KANK1: variants seen among roughly 807,000 people sequenced by gnomAD.
KANK1 encodes KN motif and ankyrin repeat domains 1, also known as KN motif and ankyrin repeat domain-containing protein 1.
Under a neutral mutation model 106.2 loss-of-function variants are expected in KANK1, and 109 were observed. That is an observed-to-expected ratio of 1.03 (90% CI 0.88 to 1.20). The LOEUF is 1.20. Among genes scored for constraint, KANK1 ranks in the 50% most tolerant of loss-of-function variants. KANK1 has a pLI of 0.00. For missense variants in KANK1, 2,399 were observed against 1,710.7 expected, an observed-to-expected ratio of 1.40 and a Z score of -7.10; for synonymous variants, 873 against 652.2, an observed-to-expected ratio of 1.34 and a Z score of -5.16.
intron 1 of KANK1, among the ~76,000 whole-genome samples, chr9:522,965 A>G (rs1360128961): frequency 6.6e-6 from 1 of 151,736 alleles, no homozygotes; most frequent in Admixed American, 6.6e-5. Flanking sequence ...TTTTGCTTGT[A>G]TTGATGGATA....
chr9:735,888 G>A (rs996805259), intron 7 of KANK1: 5 of 252,204 alleles, frequency 2.0e-5, no homozygotes, highest in East Asian at 8.9e-5. Flanking sequence ...CCAGTTACTC[G>A]GGAGTCTGAG....
At chr9:693,433 C>G in intron 2 of KANK1, 2 of 985,380 alleles carry the variant, frequency 2.0e-6, no homozygotes, top group South Asian at 9.4e-5. Flanking sequence ...AATTAACAGG[C>G]TTACAGCTGC....
chr9:521,058 C>G (rs140189370), intron 1 of KANK1, among the ~76,000 whole-genome samples: 2 of 151,850 alleles, frequency 1.3e-5, no homozygotes, highest in Admixed American at 1.3e-4. Flanking sequence ...TGGTATTTTT[C>G]TTTCAAAAAT....
chr9:698,866 T>C (rs755497809), intron 2 of KANK1, among the ~76,000 whole-genome samples: 4 of 152,190 alleles, frequency 2.6e-5, no homozygotes, highest in Non-Finnish European at 5.9e-5. Context: ...AGCAATCTTA[T>C]TAAAATGCAA....
At chr9:717,833 T>C (rs866768635) in intron 3 of KANK1, among the ~76,000 whole-genome samples, 1 of 152,196 alleles carries the variant, frequency 6.6e-6, no homozygotes, top group African/African-American at 2.4e-5. Flanking sequence ...TCTAAAAATA[T>C]ATAACTGTCT....
intron 1 of KANK1, among the ~76,000 whole-genome samples, chr9:540,251 A>C (rs2060524382): frequency 6.6e-6 from 1 of 152,190 alleles, no homozygotes; most frequent in Non-Finnish European, 1.5e-5. Flanking sequence ...AAGGATGTTG[A>C]ATTCTTTCAA....
intron 1 of KANK1, among the ~76,000 whole-genome samples, chr9:622,211 T>G (rs559701288): frequency 6.6e-6 from 1 of 152,166 alleles, no homozygotes. Flanking sequence ...ACTTCTACTT[T>G]TAGTATCCAT....
At chr9:505,097 G>A (rs1388999938) in intron 1 of KANK1, among the ~76,000 whole-genome samples, 1 of 152,080 alleles carries the variant, frequency 6.6e-6, no homozygotes, top group Non-Finnish European at 1.5e-5. Flanking sequence ...GGCCGGGCCG[G>A]CCGGCGGGAG....
At chr9:684,360 G>A (rs1818140949) in intron 2 of KANK1, 1 of 985,260 alleles carries the variant, frequency 1.0e-6, no homozygotes, top group African/African-American at 1.7e-5. Flanking sequence ...TTTGGTTGGG[G>A]ATTTTTGCCT....
chr9:516,529 G>A (rs917196294), intron 1 of KANK1, among the ~76,000 whole-genome samples: 2 of 151,584 alleles, frequency 1.3e-5, no homozygotes, highest in East Asian at 3.9e-4. Context: ...TTTCTGGTGG[G>A]TCTTTATTAG....
chr9:476,447 G>A (rs2058105010), intron 3 of KANK1, among the ~76,000 whole-genome samples: 1 of 151,408 alleles, frequency 6.6e-6, no homozygotes, highest in Non-Finnish European at 1.5e-5. Flanking sequence ...CTTGAACCCG[G>A]GAGGCAGAGG....
At chr9:668,999 C>T (rs1238900135) in intron 1 of KANK1, among the ~76,000 whole-genome samples, 1 of 152,022 alleles carries the variant, frequency 6.6e-6, no homozygotes, top group Non-Finnish European at 1.5e-5. Context: ...TGCGACGGAC[C>T]AGTACTGGTC....
At chr9:635,053 A>G (rs553393973) in intron 1 of KANK1, among the ~76,000 whole-genome samples, 20 of 152,184 alleles carry the variant, frequency 1.3e-4, no homozygotes, top group Middle Eastern at 3.2e-3. Context: ...AATGAGTCAC[A>G]TGGTCCTTTA....
intron 1 of KANK1, among the ~76,000 whole-genome samples, chr9:543,325 G>A (rs1425656396): frequency 6.6e-6 from 1 of 152,142 alleles, no homozygotes; most frequent in East Asian, 1.9e-4. Context: ...GGAGGCCAAG[G>A]TGGGCGGATC....
intron 1 of KANK1, among the ~76,000 whole-genome samples, chr9:660,995 A>G (rs180689170): frequency 6.6e-6 from 1 of 152,314 alleles, no homozygotes; most frequent in Admixed American, 6.5e-5. Flanking sequence ...AAACTGATGT[A>G]CCAGTCATGT....
rs531374573 is a variant in KANK1 at position 558,151 on chromosome 9, T to C, written c.-84+53397T>C. Among the ~76,000 whole-genome samples the C allele has an allele frequency of 3.3e-5, 5 of 152,262 alleles. No homozygotes were observed. In the East Asian group the frequency reaches 7.7e-4, roughly 24 times the overall value. ...CCTTTGAAAAGGCTAGAGGAAAATTTTGGAAGGGCATTAAGGAGGAGCATA... is the reference window on the plus strand; with the variant it reads ...CCTTTGAAAAGGCTAGAGGAAAATTCTGGAAGGGCATTAAGGAGGAGCATA... On this transcript the variant is annotated intron_variant, in intron 1 of 11. Coordinates refer to ENST00000382297, the MANE Select transcript of KANK1 (RefSeq NM_015158.5).
chr9:626,386 C>T (rs1346071029), intron 1 of KANK1, among the ~76,000 whole-genome samples: 1 of 151,958 alleles, frequency 6.6e-6, no homozygotes, highest in Non-Finnish European at 1.5e-5. Flanking sequence ...ATTCAGGAGG[C>T]AGAGGTTGCA....
chr9:604,485 C>T (rs1184690142), intron 1 of KANK1, among the ~76,000 whole-genome samples: 1 of 151,754 alleles, frequency 6.6e-6, no homozygotes, highest in African/African-American at 2.4e-5. Flanking sequence ...TCTGTCTCTC[C>T]TGCTGTCATG....
intron 1 of KANK1, among the ~76,000 whole-genome samples, chr9:542,511 A>G (rs2060664330): frequency 6.6e-6 from 1 of 152,266 alleles, no homozygotes; most frequent in Non-Finnish European, 1.5e-5. Context: ...GAAGTTCTGC[A>G]GAAAATAAAA....
Sources: allele counts gnomAD v4.1 joint callset (sites outside exome capture counted in the v4.1 genomes callset), GRCh38; gene constraint gnomAD v4.1.1; transcripts MANE v1.5; gene names NCBI Gene and HGNC (gene_info 2026-07-23, HGNC 2026-07-21).